Variants in SYNE1 observed in about 807,000 individuals in gnomAD.
SYNE1 encodes the protein nesprin-1.
A neutral mutation model predicts 1,111.0 loss-of-function variants in SYNE1; 616 were observed. The observed-to-expected ratio is 0.55, with a 90% CI of 0.52 to 0.59. The LOEUF (loss-of-function observed/expected upper bound fraction) is 0.59, where lower values mean the gene tolerates loss of function less well. SYNE1 is among the 20% of genes least tolerant of loss of function. SYNE1 has a pLI of 0.00. For synonymous variants in SYNE1, 3,855 were observed against 3,825.8 expected, an observed-to-expected ratio of 1.01 and a Z score of -0.28; for missense variants, 10,006 against 10,417.0, an observed-to-expected ratio of 0.96 and a Z score of 1.72.
chr6:152,580,947 C>T (rs970492555), intron 3 of SYNE1, among the ~76,000 whole-genome samples: 4 of 152,222 alleles, frequency 2.6e-5, no homozygotes, highest in Admixed American at 6.5e-5. Context: ...GAGTATTTGG[C>T]ATTCATTGGG....
rs1374038642 is a variant in SYNE1 at position 152,232,084 on chromosome 6, A to G, written c.20862+32T>C. 2.0e-6 allele frequency: 3 copies of G among 1,468,108 alleles called. No homozygotes were observed. In the East Asian group the frequency reaches 6.8e-5, roughly 33 times the overall value. 90.9% of individuals were successfully genotyped at this position (1,468,108 alleles called of 1,614,324 possible). A position where few individuals can be genotyped will look rare whatever the true frequency, so the allele number is the denominator to read the frequency against. On this transcript the variant is annotated intron_variant, in intron 113 of 145. Transcript: ENST00000367255. The stretch of plus-strand genomic sequence containing the variant: ...CTTTCAAATAAAATGGTCTGAAAAT[A>G]TGAAAAGTTAAAAACAAAAAATTTT...
At chr6:152,544,516 C>A (rs927712870) in intron 3 of SYNE1, among the ~76,000 whole-genome samples, 5 of 151,462 alleles carry the variant, frequency 3.3e-5, no homozygotes, top group African/African-American at 1.2e-4. Context: ...TAATATTATA[C>A]CGTAGTATCC....
intron 3 of SYNE1, among the ~76,000 whole-genome samples, chr6:152,543,765 T>A (rs2099288021): frequency 6.6e-6 from 1 of 152,222 alleles, no homozygotes. Flanking sequence ...CATTGCTTTT[T>A]CTATATTTAG....
rs149606474 is a variant in SYNE1 at position 152,430,609 on chromosome 6, C to G, written c.4562G>C (p.Arg1521Pro). Residue 1521 changes from arginine (R) to proline (P), a missense_variant, in exon 35 of 146, where the codon CGA becomes CCA. Coordinates refer to ENST00000367255, the MANE Select transcript of SYNE1 (RefSeq NM_182961.4). The part of the protein sequence containing the change: ...AQFVTTGESA[R>P]IKAKLTQIRR... ...TATTTGTGTCAACTTGGCTTTAATT[C>G]GAGCAGATTCTCCAGTGGTAACAAA... The G allele has an allele frequency of 6.2e-7, 1 of 1,613,940 alleles. No individual in the cohort carries two copies. Among genetic ancestry groups the G allele is most frequent in the Non-Finnish European group, 8.5e-7 (1 of 1,179,968 alleles).
At position 152,452,081 on chromosome 6, in the gene SYNE1, A is replaced by G. The variant is rs1323827432; in HGVS notation, c.3028-876T>C. 2.0e-5 allele frequency among the ~76,000 whole-genome samples: 3 copies of G among 152,214 alleles called. No individual in the cohort carries two copies. In the East Asian group the frequency reaches 5.8e-4, roughly 29 times the overall value. On this transcript the variant is annotated intron_variant, in intron 25 of 145. Transcript: ENST00000367255. ...ATATCCTCTTTTCCTTAGATCATAC[A>G]TTGAGAAACAAGCAAGCAAGCACTC...
intron 14 of SYNE1, among the ~76,000 whole-genome samples, chr6:152,475,292 A>G (rs1040387473): frequency 3.3e-5 from 5 of 152,224 alleles, no homozygotes; most frequent in African/African-American, 4.8e-5. Flanking sequence ...TTGTAAGTTG[A>G]AAATGTTGTA....
chr6:152,244,906 G>A (rs889825111), intron 105 of SYNE1, among the ~76,000 whole-genome samples: 6 of 152,132 alleles, frequency 3.9e-5, no homozygotes, highest in Admixed American at 6.5e-5. Context: ...CAGGGTAGAG[G>A]GCTGGGAGAA....
rs139638329 is a variant in SYNE1 at position 152,612,027 on chromosome 6, T to C, written c.67+16238A>G. Among the ~76,000 whole-genome samples, 838 of 151,830 alleles carry C rather than the reference T, an allele frequency of 5.5e-3. 10 individuals carry two copies. The highest frequency in any genetic ancestry group is 0.018 in the African/African-American group (758 of 41,372). On this transcript the variant is annotated intron_variant, in intron 3 of 145. Transcript: ENST00000367255. ...GTAGAGGGAAATTTTTAGCACTAAA[T>C]GCCCACAGAGAAAGCAGGAAAGATC...
intron 73 of SYNE1, among the ~76,000 whole-genome samples, chr6:152,346,645 CT>C (rs2096637845): frequency 6.6e-6 from 1 of 151,952 alleles, no homozygotes; most frequent in East Asian, 2.0e-4. Flanking sequence ...CCCGTCTCTA[CT>C]AAAAATACAA....
rs149162320 is a variant in SYNE1 at position 152,605,748 on chromosome 6, C to G, written c.67+22517G>C. On this transcript the variant is annotated intron_variant, in intron 3 of 145. Transcript: ENST00000367255. The stretch of plus-strand genomic sequence containing the variant: ...GGCTCTTTTTATAGAAACAATTTTA[C>G]TTTTCTAAATGCACATCTTTAAAGG... 2.4e-3 allele frequency among the ~76,000 whole-genome samples: 371 copies of G among 152,234 alleles called. 3 individuals carry two copies. Among genetic ancestry groups the G allele is most frequent in the Middle Eastern group, 0.024 (7 of 294 alleles).
At position 152,148,530 on chromosome 6, in the gene SYNE1, C is replaced by T; in HGVS notation, c.24643-152G>A. ...CACAGAAATACAGGGGACAGTGCTGCTCTAGAGTTTGACTGTCTGGGTTGA... is the reference window on the plus strand; with the variant it reads ...CACAGAAATACAGGGGACAGTGCTGTTCTAGAGTTTGACTGTCTGGGTTGA... On this transcript the variant is annotated intron_variant, in intron 136 of 145. Coordinates refer to ENST00000367255, the MANE Select transcript of SYNE1 (RefSeq NM_182961.4). The surrounding 1 kb of genome is among the most constrained non-coding windows in gnomAD (Gnocchi z 4.1). 1 of 714,206 alleles carries T rather than the reference C, an allele frequency of 1.4e-6. No individual in the cohort carries two copies. The highest frequency in any genetic ancestry group is 2.4e-5 in the Admixed American group (1 of 41,848). 44.2% of individuals were successfully genotyped at this position (714,206 alleles called of 1,614,324 possible).
intron 16 of SYNE1, among the ~76,000 whole-genome samples, chr6:152,468,750 G>A (rs2154275654): frequency 6.6e-6 from 1 of 152,162 alleles, no homozygotes; most frequent in Non-Finnish European, 1.5e-5. Context: ...TGATGTAGAA[G>A]CATGTAGCTT....
chr6:152,291,990 C>T (rs2094627631), intron 95 of SYNE1, among the ~76,000 whole-genome samples: 1 of 152,156 alleles, frequency 6.6e-6, no homozygotes, highest in Non-Finnish European at 1.5e-5. Flanking sequence ...CTGGCTCCTT[C>T]CAGTACAGTG....
At chr6:152,337,515 C>G (rs1158085499) in intron 75 of SYNE1, among the ~76,000 whole-genome samples, 2 of 152,178 alleles carry the variant, frequency 1.3e-5, no homozygotes, top group African/African-American at 4.8e-5. Context: ...TCTCGAACTC[C>G]CAACCTCAGA....
At chr6:152,424,111 C>T (rs1177625509) in intron 39 of SYNE1, among the ~76,000 whole-genome samples, 1 of 152,134 alleles carries the variant, frequency 6.6e-6, no homozygotes, top group South Asian at 2.1e-4. Context: ...GCTGTATCCT[C>T]GGCACCTAAA....
At chr6:152,577,254 A>T (rs2099500388) in intron 3 of SYNE1, among the ~76,000 whole-genome samples, 2 of 152,226 alleles carry the variant, frequency 1.3e-5, no homozygotes, top group African/African-American at 2.4e-5. Flanking sequence ...AAATGTGAAC[A>T]CAATTGCCAC....
chr6:152,203,260 G>A (rs74632620), intron 126 of SYNE1, among the ~76,000 whole-genome samples: 1,742 of 152,146 alleles, frequency 0.011, 29 homozygotes, highest in African/African-American at 0.039. Context: ...TAAAAAAGTA[G>A]AATTTTAAAA....
At chr6:152,322,259 G>GA (rs1410840478) in intron 82 of SYNE1, among the ~76,000 whole-genome samples, 1 of 151,992 alleles carries the variant, frequency 6.6e-6, no homozygotes, top group African/African-American at 2.4e-5. Flanking sequence ...AGTCTTTAAA[G>GA]AAAAAAATCA....
intron 128 of SYNE1, among the ~76,000 whole-genome samples, chr6:152,181,327 G>A (rs902970927): frequency 1.1e-4 from 16 of 152,078 alleles, no homozygotes; most frequent in Admixed American, 4.6e-4. Flanking sequence ...CAGGAGAGTC[G>A]CTTGGGCCCA....
Sources: allele counts gnomAD v4.1 joint callset (sites outside exome capture counted in the v4.1 genomes callset), GRCh38; gene constraint gnomAD v4.1.1; non-coding constraint Gnocchi (gnomAD v3.1); transcripts MANE v1.5; gene names NCBI Gene and HGNC (gene_info 2026-07-23, HGNC 2026-07-21).